KALRN: variants seen among roughly 807,000 people sequenced by gnomAD.
KALRN encodes kalirin.
A neutral mutation model predicts 353.7 loss-of-function variants in KALRN; 70 were observed. The observed-to-expected ratio is 0.20, with a 90% CI of 0.16 to 0.24. The LOEUF (loss-of-function observed/expected upper bound fraction) is 0.24. Ranked by LOEUF, KALRN falls within the 10% of genes least tolerant of loss-of-function variation. The pLI, the probability that KALRN is intolerant of heterozygous loss-of-function variation, is 1.00. For synonymous variants in KALRN, 1,391 were observed against 1,434.8 expected (o/e 0.97, Z 0.69); for missense variants, 2,791 against 3,756.7 (o/e 0.74, Z 6.72).
chr3:124,357,227 C>G (rs1344754753), intron 10 of KALRN, among the ~76,000 whole-genome samples: 1 of 152,208 alleles, frequency 6.6e-6, no homozygotes, highest in Non-Finnish European at 1.5e-5. Flanking sequence ...CCCATTGCCA[C>G]TGCCTTAGAT....
chr3:124,173,095 G>A (rs1379913184), intron 1 of KALRN, among the ~76,000 whole-genome samples: 1 of 152,082 alleles, frequency 6.6e-6, no homozygotes, highest in Non-Finnish European at 1.5e-5. Context: ...GTTCAGATTG[G>A]TGATTGGGGG....
chr3:124,281,855 T>C (rs964638501), intron 5 of KALRN, among the ~76,000 whole-genome samples: 2 of 152,218 alleles, frequency 1.3e-5, no homozygotes, highest in African/African-American at 4.8e-5. Flanking sequence ...TGACACAGTC[T>C]GTACTCACTG....
At chr3:124,047,047 A>G (rs1041181548) in intron 1 of KALRN, among the ~76,000 whole-genome samples, 11 of 151,590 alleles carry the variant, frequency 7.3e-5, no homozygotes, top group African/African-American at 2.7e-4. Flanking sequence ...TATGAAGTCA[A>G]CGTTGTGAAA....
At chr3:124,062,954 T>C (rs1213487611) in intron 1 of KALRN, among the ~76,000 whole-genome samples, 1 of 152,166 alleles carries the variant, frequency 6.6e-6, no homozygotes, top group Non-Finnish European at 1.5e-5. Flanking sequence ...TACATTTAAG[T>C]GTAAGAACAC....
intron 34 of KALRN, among the ~76,000 whole-genome samples, chr3:124,582,603 C>A (rs538583227): frequency 7.9e-5 from 12 of 152,250 alleles, no homozygotes; most frequent in Non-Finnish European, 1.6e-4. Flanking sequence ...CACTACTTTA[C>A]AAGGTTTTTT....
chr3:124,398,822 A>C lies in KALRN; in HGVS notation c.2297A>C (p.Lys766Thr). The C allele has an allele frequency of 6.2e-7, 1 of 1,614,146 alleles. No homozygotes were observed. Among genetic ancestry groups the C allele is most frequent in the Non-Finnish European group, 8.5e-7 (1 of 1,180,020 alleles). Residue 766 changes from lysine (K) to threonine (T), a missense_variant, in exon 13 of 60, where the codon AAG becomes ACG. By Grantham distance (78) the Lys-to-Thr change is moderately conservative (BLOSUM62 -1). Around this residue, in one of 11 missense-constraint regions of KALRN, gnomAD observed 452 missense variants for 575.8 expected, o/e 0.78. Transcript: ENST00000682506. ...GAGCTGTTCCACGAGCGGAAGATCA[A>C]GCTGGACATCTTCCTGCAACTGCGC... ...MEELFHERKIKLDIFLQLRIF... is the reference protein window; with the variant it reads ...MEELFHERKITLDIFLQLRIF...
Position 124,446,249 on chromosome 3 carries a change from T to C in KALRN, c.3402T>C (p.Tyr1134=), listed in dbSNP as rs770704781. The change falls in exon 20 of 60, where the codon TAT becomes TAC. Residue 1134 remains tyrosine (Y), a synonymous_variant. Coordinates refer to ENST00000682506, the MANE Select transcript of KALRN (RefSeq NM_001388419.1). ...GGCGGTTAGACCAATGCCAGCAATA[T>C]GTGGTGTTCGAGCGCAGCGCTAAGC... The part of the protein sequence containing the change: ...KKRRLDQCQQ[Y]VVFERSAKQA... The C allele has an allele frequency of 1.1e-5, 17 of 1,613,868 alleles. No individual in the cohort carries two copies. The highest frequency in any genetic ancestry group is 3.3e-5 in the Admixed American group (2 of 60,006).
At chr3:124,685,439 T>G (rs1486770910) in intron 51 of KALRN, among the ~76,000 whole-genome samples, 1 of 152,168 alleles carries the variant, frequency 6.6e-6, no homozygotes, top group African/African-American at 2.4e-5. Context: ...GGGAAACATG[T>G]TCAGGGAGGT....
chr3:124,067,304 C>T (rs2042443438), intron 1 of KALRN, among the ~76,000 whole-genome samples: 1 of 151,658 alleles, frequency 6.6e-6, no homozygotes, highest in African/African-American at 2.4e-5. Context: ...CCTTCCCTAC[C>T]CCACCCCACC....
At chr3:124,475,308 G>A (rs2061338538) in intron 26 of KALRN, among the ~76,000 whole-genome samples, 1 of 152,184 alleles carries the variant, frequency 6.6e-6, no homozygotes, top group Non-Finnish European at 1.5e-5. Context: ...CACAAGATGA[G>A]TGACTGTTCA....
intron 1 of KALRN, among the ~76,000 whole-genome samples, chr3:124,177,921 A>G (rs776623742): frequency 2.6e-5 from 4 of 152,200 alleles, no homozygotes; most frequent in Non-Finnish European, 5.9e-5. Flanking sequence ...GGACTTTACC[A>G]TAGCTACTTG....
In KALRN at chr3:124,438,954, G is replaced by A. The variant is rs754233348; in HGVS notation, c.3115G>A (p.Asp1039Asn). 1.9e-6 allele frequency: 3 copies of A among 1,613,992 alleles called. No homozygotes were observed. The South Asian group carries it at 3.3e-5, about 18-fold the overall frequency. ...AGATGAGGACTGGTGTGGTGGACGAGATAAGCTGGGGCCAGCAGCAGAGAT... is the reference window on the plus strand; with the variant it reads ...AGATGAGGACTGGTGTGGTGGACGAAATAAGCTGGGGCCAGCAGCAGAGAT... ...RRDEDWCGGR[D>N]KLGPAAEIDH... The change falls in exon 18 of 60, where the codon GAT becomes AAT. Residue 1039 changes from aspartate (D) to asparagine (N), a missense_variant. Asp to Asn is a conservative substitution (Grantham distance 23). Around this residue, in one of 11 missense-constraint regions of KALRN, gnomAD observed 452 missense variants for 575.8 expected, o/e 0.78. Coordinates refer to ENST00000682506, the MANE Select transcript of KALRN (RefSeq NM_001388419.1).
chr3:124,563,133 T>G (rs2256831), intron 34 of KALRN, 44 bp downstream of exon 34: 12 of 1,348,954 alleles, frequency 8.9e-6, no homozygotes, highest in South Asian at 1.2e-5. Context: ...AAGGAGGCCA[T>G]GAGCGCTGGC....
intron 1 of KALRN, among the ~76,000 whole-genome samples, chr3:124,209,556 C>A (rs538328341): frequency 6.6e-6 from 1 of 150,456 alleles, no homozygotes; most frequent in Admixed American, 6.6e-5. Flanking sequence ...CCTGACCTCT[C>A]TGAGAGTAGC....
intron 34 of KALRN, among the ~76,000 whole-genome samples, chr3:124,575,435 G>A (rs2073997609): frequency 6.6e-6 from 1 of 152,214 alleles, no homozygotes; most frequent in African/African-American, 2.4e-5. Flanking sequence ...ACTGCAAAGA[G>A]GCTCCACAAA....
chr3:124,618,859 C>T (rs955035201), intron 34 of KALRN, among the ~76,000 whole-genome samples: 9 of 152,160 alleles, frequency 5.9e-5, no homozygotes, highest in East Asian at 3.8e-4. Context: ...GTGATGTCTT[C>T]GTAGGCGAGT....
chr3:124,221,158 T>C (rs2077864508), intron 1 of KALRN, among the ~76,000 whole-genome samples: 1 of 152,236 alleles, frequency 6.6e-6, no homozygotes, highest in Non-Finnish European at 1.5e-5. Context: ...TCTGCTTTTC[T>C]GTTCATTGAG....
chr3:124,675,173 C>G (rs1229110237), intron 49 of KALRN: 1 of 152,130 alleles, frequency 6.6e-6, no homozygotes, highest in Non-Finnish European at 1.5e-5. Context: ...TTTCCCTTCA[C>G]CCCGTCACTT....
At chr3:124,626,240 A>G (rs1185307197) in intron 34 of KALRN, among the ~76,000 whole-genome samples, 2 of 152,244 alleles carry the variant, frequency 1.3e-5, no homozygotes, top group South Asian at 4.1e-4. Context: ...CATAAAAGTA[A>G]ATGTTTAACA....
Sources: allele counts gnomAD v4.1 joint callset (sites outside exome capture counted in the v4.1 genomes callset), GRCh38; gene constraint gnomAD v4.1.1; regional missense constraint gnomAD v4.1.1; transcripts MANE v1.5; gene names NCBI Gene and HGNC (gene_info 2026-07-23, HGNC 2026-07-21).